DPP10: variants seen among roughly 807,000 people sequenced by gnomAD.
DPP10 encodes inactive dipeptidyl peptidase 10.
A neutral mutation model predicts 120.9 loss-of-function variants in DPP10; 33 were observed. That is an observed-to-expected ratio of 0.27 (90% confidence interval 0.21 to 0.37). The LOEUF is 0.37. Among genes scored for constraint, DPP10 ranks in the 10% least tolerant of loss-of-function variants. The probability of loss-of-function intolerance (pLI) is 1.00; values close to 1 mark genes in which losing one functional copy is unlikely to be tolerated. For missense variants in DPP10, 816 were observed against 942.8 expected, an observed-to-expected ratio of 0.87 and a Z score of 1.76; for synonymous variants, 337 against 326.1, an observed-to-expected ratio of 1.03 and a Z score of -0.36.
At chr2:115,040,526 A>C (rs1300515089) in intron 1 of DPP10, among the ~76,000 whole-genome samples, 1 of 151,928 alleles carries the variant, frequency 6.6e-6, no homozygotes. Context: ...CCATGTCTGC[A>C]TTAAACATTC....
At chr2:115,080,341 C>T (rs1481612118) in intron 1 of DPP10, among the ~76,000 whole-genome samples, 2 of 152,140 alleles carry the variant, frequency 1.3e-5, no homozygotes, top group Non-Finnish European at 2.9e-5. Context: ...TAAACTAGAA[C>T]AATAAAGTGA....
intron 1 of DPP10, among the ~76,000 whole-genome samples, chr2:114,839,582 T>A (rs545874004): frequency 3.3e-5 from 5 of 152,216 alleles, no homozygotes; most frequent in African/African-American, 4.8e-5. Flanking sequence ...CTTTGTGTCT[T>A]CCAAGGAAAT....
At chr2:114,963,393 A>G (rs1414771724) in intron 1 of DPP10, among the ~76,000 whole-genome samples, 1 of 152,220 alleles carries the variant, frequency 6.6e-6, no homozygotes, top group Admixed American at 6.5e-5. Context: ...AAGGAAAAAA[A>G]GCGTAATTTG....
chr2:115,358,294 T>C (rs1225267322), intron 3 of DPP10, among the ~76,000 whole-genome samples: 3 of 152,170 alleles, frequency 2.0e-5, no homozygotes, highest in Non-Finnish European at 4.4e-5. Flanking sequence ...GATTCAAAGT[T>C]TCACATGTCT....
chr2:115,460,752 TGCCAGG>T (rs2073939814), intron 3 of DPP10, among the ~76,000 whole-genome samples: 2 of 152,204 alleles, frequency 1.3e-5, no homozygotes, highest in Non-Finnish European at 2.9e-5. Flanking sequence ...ATCTGGCTAC[TGCCAGG>T]TCTTGAGAAT....
chr2:115,382,957 G>A (rs941787471), intron 3 of DPP10, among the ~76,000 whole-genome samples: 3 of 152,298 alleles, frequency 2.0e-5, no homozygotes, highest in South Asian at 2.1e-4. Context: ...TTTTGAAGCA[G>A]CATTTAGTAA....
chr2:114,714,134 T>A (rs2105878531), intron 1 of DPP10, among the ~76,000 whole-genome samples: 1 of 152,050 alleles, frequency 6.6e-6, no homozygotes, highest in East Asian at 1.9e-4. Flanking sequence ...CATGAGTGTG[T>A]CTGTGTGTGT....
chr2:115,841,940 G>A (rs574231507), intron 25 of DPP10, among the ~76,000 whole-genome samples: 142 of 152,270 alleles, frequency 9.3e-4, no homozygotes, highest in Non-Finnish European at 1.7e-3. Flanking sequence ...GTTTAGTCAA[G>A]CTGAGGGCAA....
chr2:115,577,254 C>T (rs1053177920), intron 5 of DPP10, among the ~76,000 whole-genome samples: 1 of 152,114 alleles, frequency 6.6e-6, no homozygotes, highest in Non-Finnish European at 1.5e-5. Context: ...CCTAGGGTTC[C>T]GTAGAGTCTA....
chr2:115,751,448 G>A (rs1678695105), intron 10 of DPP10, among the ~76,000 whole-genome samples: 1 of 152,008 alleles, frequency 6.6e-6, no homozygotes, highest in South Asian at 2.1e-4. Flanking sequence ...ACTCTACTTC[G>A]GGCACTTTAT....
chr2:115,481,573 G>A lies in DPP10; in HGVS notation c.272-17937G>A, dbSNP rs76125553. Reference sequence around the variant, plus strand: ...TTTTCATCATGGATGAAATGAAGTCGTTGGACAAGATGACCTCCTTGGTTC... The same window carrying A: ...TTTTCATCATGGATGAAATGAAGTCATTGGACAAGATGACCTCCTTGGTTC... On this transcript the variant is annotated intron_variant, in intron 3 of 25. Transcript: ENST00000410059. Among the ~76,000 whole-genome samples the A allele has an allele frequency of 5.0e-3, 758 of 152,096 alleles. 31 individuals carry two copies. In the East Asian group the frequency reaches 0.11, roughly 21 times the overall value.
At chr2:115,193,752 G>T (rs2055048396) in intron 1 of DPP10, among the ~76,000 whole-genome samples, 1 of 152,028 alleles carries the variant, frequency 6.6e-6, no homozygotes, top group African/African-American at 2.4e-5. Context: ...CAATTATTAG[G>T]CAATTTTCCT....
chr2:115,560,956 A>G (rs2080619000), intron 5 of DPP10, among the ~76,000 whole-genome samples: 1 of 152,170 alleles, frequency 6.6e-6, no homozygotes, highest in Admixed American at 6.5e-5. Context: ...GTGAAAGAGC[A>G]GGTCATCAAA....
Position 115,826,855 on chromosome 2 carries a change from G to A in DPP10, c.1951-9302G>A, listed in dbSNP as rs79729992. Among the ~76,000 whole-genome samples the A allele has an allele frequency of 5.7e-3, 860 of 151,930 alleles. 50 individuals are homozygous for A. The East Asian group carries it at 0.13, about 23-fold the overall frequency. ...TTGTGTATTTACATTTACGTATTAC[G>A]TATTTATATTTAAAGTATGTTTCTT... On this transcript the variant is annotated intron_variant, in intron 21 of 25. Coordinates refer to ENST00000410059, the MANE Select transcript of DPP10 (RefSeq NM_020868.6).
chr2:115,378,050 C>G (rs932244773), intron 3 of DPP10, among the ~76,000 whole-genome samples: 1 of 151,830 alleles, frequency 6.6e-6, no homozygotes, highest in Non-Finnish European at 1.5e-5. Flanking sequence ...TTTTTTGGTT[C>G]CATATGAACT....
chr2:114,677,704 G>C (rs77101233), intron 1 of DPP10, among the ~76,000 whole-genome samples: 2 of 152,224 alleles, frequency 1.3e-5, no homozygotes, highest in African/African-American at 4.8e-5. Flanking sequence ...AAGGAATATA[G>C]TGTTTGTTTC....
At chr2:115,720,018 A>G (rs1027918674) in intron 7 of DPP10, among the ~76,000 whole-genome samples, 2 of 152,182 alleles carry the variant, frequency 1.3e-5, no homozygotes, top group African/African-American at 4.8e-5. Flanking sequence ...ACAGAAATCT[A>G]TCTATCTACC....
intron 1 of DPP10, among the ~76,000 whole-genome samples, chr2:115,005,076 C>T (rs1265187838): frequency 6.6e-6 from 1 of 152,042 alleles, no homozygotes; most frequent in Non-Finnish European, 1.5e-5. Context: ...CCCCGAGAAG[C>T]CTAACTGGGA....
intron 2 of DPP10, among the ~76,000 whole-genome samples, chr2:115,322,433 A>G (rs2062106469): frequency 6.6e-6 from 1 of 152,156 alleles, no homozygotes; most frequent in Non-Finnish European, 1.5e-5. Flanking sequence ...TAGGAGAAAT[A>G]AAAAACAGAG....
Sources: gnomAD v4.1 joint callset for allele counts (sites outside exome capture counted in the v4.1 genomes callset) on GRCh38, gnomAD v4.1.1 for gene constraint, MANE v1.5 for transcripts, NCBI Gene and HGNC (gene_info 2026-07-23, HGNC 2026-07-21) for gene names.